The following ERC2 variants were observed in gnomAD, a reference collection of about 807,000 sequenced individuals.
The protein encoded by ERC2 is ELKS/RAB6-interacting/CAST family member 2, also known as ERC protein 2.
ERC2 carries 42 observed loss-of-function variants against 114.8 expected under a neutral mutation model. That is an observed-to-expected ratio of 0.37 (90% CI 0.29 to 0.47). The LOEUF (loss-of-function observed/expected upper bound fraction) is 0.47. Ranked by LOEUF, ERC2 falls within the 20% of genes least tolerant of loss-of-function variation. The pLI is 0.99. For missense variants in ERC2, 939 were observed against 1,150.7 expected, an observed-to-expected ratio of 0.82 and a Z score of 2.66; for synonymous variants, 454 against 425.5, an observed-to-expected ratio of 1.07 and a Z score of -0.82.
intron 17 of ERC2, among the ~76,000 whole-genome samples, chr3:55,613,704 C>A (rs972282991): frequency 6.6e-6 from 1 of 151,986 alleles, no homozygotes; most frequent in African/African-American, 2.4e-5. Flanking sequence ...TGTGGCCGGG[C>A]GTGGTGGCTC....
chr3:55,850,596 T>C (rs1279361518), intron 14 of ERC2, among the ~76,000 whole-genome samples: 1 of 152,124 alleles, frequency 6.6e-6, no homozygotes, highest in East Asian at 1.9e-4. Flanking sequence ...TCAAAGTGTC[T>C]AAATAACAGC....
intron 3 of ERC2, among the ~76,000 whole-genome samples, chr3:56,175,178 G>C (rs903036698): frequency 1.3e-5 from 2 of 152,114 alleles, no homozygotes; most frequent in Admixed American, 6.6e-5. Flanking sequence ...GGACCAGTGT[G>C]GGGGAGTTAA....
At chr3:55,920,650 C>T (rs2149382738) in intron 13 of ERC2, among the ~76,000 whole-genome samples, 1 of 152,122 alleles carries the variant, frequency 6.6e-6, no homozygotes, top group African/African-American at 2.4e-5. Context: ...TACTTGAACC[C>T]TTTAGTGCTT....
At chr3:55,955,320 C>T (rs2067879083) in intron 12 of ERC2, among the ~76,000 whole-genome samples, 1 of 151,424 alleles carries the variant, frequency 6.6e-6, no homozygotes, top group Non-Finnish European at 1.5e-5. Flanking sequence ...CATGAAGATG[C>T]ACAAATATTA....
intron 13 of ERC2, among the ~76,000 whole-genome samples, chr3:55,904,517 C>A (rs140516502): frequency 6.6e-6 from 1 of 152,264 alleles, no homozygotes; most frequent in African/African-American, 2.4e-5. Context: ...TGTTTCTTCC[C>A]TTGCCAACCT....
intron 6 of ERC2, among the ~76,000 whole-genome samples, chr3:56,101,828 AGAG>A (rs1247758342): frequency 6.6e-6 from 1 of 152,194 alleles, no homozygotes; most frequent in Non-Finnish European, 1.5e-5. Flanking sequence ...TCAGAGCCTC[AGAG>A]GAGAATGTCA....
intron 13 of ERC2, among the ~76,000 whole-genome samples, chr3:55,942,764 C>T (rs1340747504): frequency 2.0e-5 from 3 of 152,076 alleles, no homozygotes; most frequent in Non-Finnish European, 2.9e-5. Context: ...ACAGGACAGA[C>T]GATTAAGTGA....
chr3:56,046,500 T>C (rs113777925), intron 7 of ERC2, among the ~76,000 whole-genome samples: 5,245 of 152,292 alleles, frequency 0.034, 147 homozygotes, highest in Middle Eastern at 0.11. Context: ...GCTTCTTCAA[T>C]GGGAAGTCAC....
At chr3:55,583,509 C>CTCTCTCCT (rs2057405849) in intron 17 of ERC2, among the ~76,000 whole-genome samples, 1 of 52,092 alleles carries the variant, frequency 1.9e-5, no homozygotes, top group Non-Finnish European at 3.9e-5. Flanking sequence ...CCCTCCCTCC[C>CTCTCTCCT]TCCCTCCCTC....
At chr3:55,648,051 A>G (rs1457933008) in intron 17 of ERC2, among the ~76,000 whole-genome samples, 1 of 152,228 alleles carries the variant, frequency 6.6e-6, no homozygotes, top group African/African-American at 2.4e-5. Flanking sequence ...CGATGGGGCC[A>G]TAAGAAGGAG....
At chr3:55,722,170 G>C (rs748609742) in intron 15 of ERC2, among the ~76,000 whole-genome samples, 3 of 151,994 alleles carry the variant, frequency 2.0e-5, no homozygotes, top group Non-Finnish European at 4.4e-5. Context: ...TGCCCAACGG[G>C]GTCATGTCTC....
chr3:56,445,964 A>G (rs370600072), intron 1 of ERC2, among the ~76,000 whole-genome samples: 2 of 151,856 alleles, frequency 1.3e-5, no homozygotes, highest in East Asian at 1.9e-4. Context: ...AGAGAAGCTG[A>G]CTGGCCAAGG....
intron 16 of ERC2, 21 bp from the exon 17 acceptor site, chr3:55,683,880 G>A: frequency 6.2e-7 from 1 of 1,611,730 alleles, no homozygotes; most frequent in Non-Finnish European, 8.5e-7. Flanking sequence ...CCCGAGGTGG[G>A]GAGGTGCACA....
intron 2 of ERC2, among the ~76,000 whole-genome samples, chr3:56,302,554 C>T (rs1452319593): frequency 6.6e-6 from 1 of 152,228 alleles, no homozygotes; most frequent in Non-Finnish European, 1.5e-5. Context: ...ACAGCACCTT[C>T]TCTCTGAGTG....
At position 55,569,075 on chromosome 3, in the gene ERC2, A is replaced by T. The variant is rs568315051; in HGVS notation, c.*40-57799T>A. Among the ~76,000 whole-genome samples, 17 of 152,282 alleles carry T rather than the reference A, an allele frequency of 1.1e-4. No homozygotes were observed. In the East Asian group the frequency reaches 3.3e-3, roughly 29 times the overall value. On this transcript the variant is annotated intron_variant, in intron 17 of 17. Coordinates refer to ENST00000288221, the MANE Select transcript of ERC2 (RefSeq NM_015576.3). ...CACGGAAGCATTCCCTTGGGCCTATACAAGGAACTTCCAGGTAATGTGGTT... is the reference window on the plus strand; with the variant it reads ...CACGGAAGCATTCCCTTGGGCCTATTCAAGGAACTTCCAGGTAATGTGGTT...
At chr3:55,516,585 CA>C (rs1436246196) in intron 17 of ERC2, among the ~76,000 whole-genome samples, 7 of 152,230 alleles carry the variant, frequency 4.6e-5, no homozygotes, top group South Asian at 2.1e-4. Flanking sequence ...CTCAGAATTG[CA>C]CACTGCTGTT....
chr3:56,003,157 C>A (rs1165134401), intron 10 of ERC2: 40 of 1,286,232 alleles, frequency 3.1e-5, no homozygotes, highest in Non-Finnish European at 3.7e-5. Context: ...GTTGGGGAGG[C>A]ATTGAGGCAC....
intron 14 of ERC2, among the ~76,000 whole-genome samples, chr3:55,846,693 T>TCTC (rs1553702627): frequency 1.2e-4 from 17 of 142,912 alleles, no homozygotes; most frequent in East Asian, 2.1e-4. Context: ...CTCTCTCTCT[T>TCTC]TCTCTCTCTC....
intron 15 of ERC2, among the ~76,000 whole-genome samples, chr3:55,732,856 T>C (rs1303887916): frequency 1.3e-5 from 2 of 152,150 alleles, no homozygotes; most frequent in African/African-American, 2.4e-5. Flanking sequence ...AATGCTATCA[T>C]CTATGGTCTC....
Sources: gnomAD v4.1 joint callset for allele counts (sites outside exome capture counted in the v4.1 genomes callset) on GRCh38, gnomAD v4.1.1 for gene constraint, MANE v1.5 for transcripts, NCBI Gene and HGNC (gene_info 2026-07-23, HGNC 2026-07-21) for gene names.